Variants in OXR1 observed in about 807,000 individuals in gnomAD.
The protein encoded by OXR1 is oxidation resistance protein 1.
Under a neutral mutation model 104.6 loss-of-function variants are expected in OXR1, and 41 were observed. The observed-to-expected ratio is 0.39, with a 90% confidence interval of 0.31 to 0.51. The LOEUF (loss-of-function observed/expected upper bound fraction) is 0.51, where lower values mean the gene tolerates loss of function less well. Among genes scored for constraint, OXR1 ranks in the 20% least tolerant of loss-of-function variants. The pLI is 0.77. For synonymous variants in OXR1, 348 were observed against 348.4 expected, an observed-to-expected ratio of 1.00 and a Z score of 0.01; for missense variants, 955 against 1,031.9, an observed-to-expected ratio of 0.93 and a Z score of 1.02.
chr8:106,532,144 T>A (rs1304864924), intron 3 of OXR1, among the ~76,000 whole-genome samples: 1 of 152,212 alleles, frequency 6.6e-6, no homozygotes, highest in Non-Finnish European at 1.5e-5. Context: ...GAATTTGGGC[T>A]TACTCTTGGC....
chr8:106,299,271 T>C (rs566502826), intron 1 of OXR1, among the ~76,000 whole-genome samples: 2 of 152,048 alleles, frequency 1.3e-5, no homozygotes, highest in African/African-American at 4.8e-5. Context: ...TCATACTAGA[T>C]TTAAGAGCTT....
intron 3 of OXR1, among the ~76,000 whole-genome samples, chr8:106,614,677 C>T (rs13258304): frequency 0.043 from 6,591 of 152,098 alleles, 177 homozygotes; most frequent in South Asian, 0.078. Context: ...ATCAGATTCC[C>T]AATGAGAGCA....
chr8:106,683,133 A>G (rs915398618), intron 4 of OXR1, 66 bp from the exon 5 acceptor site: 12 of 756,644 alleles, frequency 1.6e-5, no homozygotes, highest in South Asian at 1.5e-4. Context: ...ATTAATGCTC[A>G]TTAAATATTA....
chr8:106,292,145 A>G (rs373794891), intron 1 of OXR1, among the ~76,000 whole-genome samples: 155 of 152,194 alleles, frequency 1.0e-3, no homozygotes, highest in South Asian at 6.6e-3. Context: ...TATCATATCT[A>G]TTGTTGCAGT....
chr8:106,311,177 A>T (rs1419183258), intron 1 of OXR1, among the ~76,000 whole-genome samples: 2 of 151,762 alleles, frequency 1.3e-5, no homozygotes, highest in Non-Finnish European at 2.9e-5. Context: ...CCTTTATGGG[A>T]TGAGTTATTT....
chr8:106,472,199 A>G (rs553429595), intron 2 of OXR1, among the ~76,000 whole-genome samples: 1 of 151,948 alleles, frequency 6.6e-6, no homozygotes, highest in South Asian at 2.1e-4. Context: ...CAGGATATGT[A>G]GGAGAATACT....
At chr8:106,744,259 T>A (rs369327348) in intron 15 of OXR1, among the ~76,000 whole-genome samples, 3 of 152,338 alleles carry the variant, frequency 2.0e-5, no homozygotes, top group African/African-American at 7.2e-5. Flanking sequence ...AACCATGCAC[T>A]TTGGAGTCAT....
rs1251438668 is a variant in OXR1 at position 106,633,168 on chromosome 8, G to T, written c.221-46042G>T. 9.2e-5 allele frequency among the ~76,000 whole-genome samples: 14 copies of T among 151,744 alleles called. 1 individual carries two copies. Among genetic ancestry groups the T allele is most frequent in the Non-Finnish European group, 5.9e-5 (4 of 67,968 alleles). On this transcript the variant is annotated intron_variant, in intron 3 of 16. Transcript: ENST00000517566. ...AATTGCTTGAACCCGGGAGGCAGAG[G>T]TTGCAGTGAGCCGAGATTGCGCCAC...
chr8:106,292,767 C>T (rs556031219), intron 1 of OXR1, among the ~76,000 whole-genome samples: 36 of 152,106 alleles, frequency 2.4e-4, no homozygotes, highest in African/African-American at 8.4e-4. Context: ...CAGGGAGGCA[C>T]CAGGAAAGGG....
chr8:106,585,676 G>T (rs1406968728), intron 3 of OXR1, among the ~76,000 whole-genome samples: 2 of 152,126 alleles, frequency 1.3e-5, no homozygotes, highest in African/African-American at 4.8e-5. Context: ...GCCAGGTAAA[G>T]GAAGTCAGAA....
chr8:106,618,849 G>T (rs1210620063), intron 3 of OXR1, among the ~76,000 whole-genome samples: 1 of 151,882 alleles, frequency 6.6e-6, no homozygotes, highest in Non-Finnish European at 1.5e-5. Context: ...GAAAAACGAG[G>T]CAAGAAATAG....
intron 3 of OXR1, among the ~76,000 whole-genome samples, chr8:106,625,012 G>A (rs893084726): frequency 2.6e-5 from 4 of 152,042 alleles, no homozygotes; most frequent in South Asian, 2.1e-4. Flanking sequence ...AGATGGTATC[G>A]AATTCCTGGG....
At chr8:106,633,967 A>C (rs2130906007) in intron 3 of OXR1, among the ~76,000 whole-genome samples, 1 of 152,338 alleles carries the variant, frequency 6.6e-6, no homozygotes, top group East Asian at 1.9e-4. Flanking sequence ...ACATACAAAA[A>C]GGCTACATAA....
chr8:106,666,391 A>T (rs776962), intron 3 of OXR1, among the ~76,000 whole-genome samples: 92,163 of 152,074 alleles, frequency 0.61, 28,798 homozygotes, highest in African/African-American at 0.76. Flanking sequence ...GATTGAGAAA[A>T]TTGGATTCAG....
At chr8:106,602,123 T>A (rs530901838) in intron 3 of OXR1, among the ~76,000 whole-genome samples, 1 of 152,310 alleles carries the variant, frequency 6.6e-6, no homozygotes, top group East Asian at 1.9e-4. Context: ...CACCTGGATT[T>A]CAGCCTAGAG....
At chr8:106,355,455 G>A (rs929767978) in intron 1 of OXR1, among the ~76,000 whole-genome samples, 22 of 151,762 alleles carry the variant, frequency 1.4e-4, no homozygotes, top group African/African-American at 3.4e-4. Flanking sequence ...AAAAAATCAC[G>A]TCATAAAAAA....
intron 3 of OXR1, among the ~76,000 whole-genome samples, chr8:106,537,691 A>AAGAAGG (rs1050360965): frequency 2.6e-5 from 4 of 151,778 alleles, no homozygotes; most frequent in East Asian, 1.9e-4. Flanking sequence ...TAAAAAGAAG[A>AAGAAGG]AGAAGAAGAA....
rs138533931 is a variant in OXR1 at position 106,503,754 on chromosome 8, C to T, written c.24-15189C>T. On this transcript the variant is annotated intron_variant, in intron 2 of 16. Coordinates refer to ENST00000517566, the MANE Select transcript of OXR1 (RefSeq NM_001198533.2). ...AATGTTTCGTGTTGGCAAGATGTGG[C>T]CTTACAAGAGAGAACTGGCCTGAAA... 5.8e-4 allele frequency among the ~76,000 whole-genome samples: 89 copies of T among 152,218 alleles called. No individual in the cohort carries two copies. The East Asian group carries it at 0.016, about 28-fold the overall frequency.
chr8:106,405,439 A>G (rs745852629), intron 2 of OXR1, among the ~76,000 whole-genome samples: 2 of 151,902 alleles, frequency 1.3e-5, no homozygotes, highest in Non-Finnish European at 2.9e-5. Context: ...TGAAAGGTGA[A>G]TTTGAAACTT....
Sources: gnomAD v4.1 joint callset for allele counts (sites outside exome capture counted in the v4.1 genomes callset) on GRCh38, gnomAD v4.1.1 for gene constraint, MANE v1.5 for transcripts, NCBI Gene and HGNC (gene_info 2026-07-23, HGNC 2026-07-21) for gene names.